The following CDH13 variants were observed in gnomAD, a reference collection of about 807,000 sequenced individuals.
The protein encoded by CDH13 is cadherin 13.
A neutral mutation model predicts 63.8 loss-of-function variants in CDH13; 24 were observed. The observed-to-expected ratio is 0.38, with a 90% CI of 0.27 to 0.53. CDH13 has a LOEUF of 0.53. CDH13 is among the 20% of genes least tolerant of loss of function. The probability of loss-of-function intolerance (pLI) is 0.85; values close to 1 mark genes in which losing one functional copy is unlikely to be tolerated. For missense variants in CDH13, 1,049 were observed against 903.1 expected, an observed-to-expected ratio of 1.16 and a Z score of -2.07; for synonymous variants, 503 against 355.3, an observed-to-expected ratio of 1.42 and a Z score of -4.67.
chr16:83,249,232 C>T (rs1009174123), intron 5 of CDH13, among the ~76,000 whole-genome samples: 1 of 152,242 alleles, frequency 6.6e-6, no homozygotes, highest in African/African-American at 2.4e-5. Context: ...ATCGTACCCT[C>T]TAACCCAGTG....
At chr16:83,241,485 A>G (rs1364444367) in intron 5 of CDH13, among the ~76,000 whole-genome samples, 1 of 152,152 alleles carries the variant, frequency 6.6e-6, no homozygotes, top group Admixed American at 6.5e-5. Context: ...ATGTCTTTTC[A>G]ATACTTACTC....
At chr16:83,088,164 A>C (rs9940768) in intron 3 of CDH13, among the ~76,000 whole-genome samples, 1,837 of 152,338 alleles carry the variant, frequency 0.012, 39 homozygotes, top group African/African-American at 0.041. Context: ...GCTCACGACA[A>C]CAAAAGCCTT....
chr16:83,009,733 A>G (rs1416324197), intron 2 of CDH13, among the ~76,000 whole-genome samples: 1 of 152,234 alleles, frequency 6.6e-6, no homozygotes, highest in Admixed American at 6.5e-5. Context: ...TAGCTGTACA[A>G]GCATTTAGGA....
At chr16:82,631,609 C>T (rs912204003) in intron 1 of CDH13, among the ~76,000 whole-genome samples, 1 of 152,228 alleles carries the variant, frequency 6.6e-6, no homozygotes, top group Non-Finnish European at 1.5e-5. Context: ...GCTTCTTCTG[C>T]AGCCACCTGG....
At chr16:83,266,877 C>G (rs1220991727) in intron 5 of CDH13, among the ~76,000 whole-genome samples, 2 of 152,178 alleles carry the variant, frequency 1.3e-5, no homozygotes, top group African/African-American at 2.4e-5. Context: ...GTCGGGATGT[C>G]TTGTCCTAAC....
chr16:83,573,807 T>C (rs1904862235), intron 7 of CDH13, among the ~76,000 whole-genome samples: 1 of 152,212 alleles, frequency 6.6e-6, no homozygotes, highest in Non-Finnish European at 1.5e-5. Flanking sequence ...GTCAAATCAC[T>C]ACACTCATTT....
chr16:83,763,478 A>G (rs1020394531), intron 11 of CDH13, among the ~76,000 whole-genome samples: 1 of 152,130 alleles, frequency 6.6e-6, no homozygotes, highest in African/African-American at 2.4e-5. Context: ...ATAGCCCCCA[A>G]ACTGAGGGTG....
At chr16:82,942,442 T>C (rs560247998) in intron 2 of CDH13, among the ~76,000 whole-genome samples, 1 of 152,346 alleles carries the variant, frequency 6.6e-6, no homozygotes, top group South Asian at 2.1e-4. Flanking sequence ...TATCCTGTTA[T>C]AAGTGCTCTG....
chr16:83,046,299 G>A (rs1373336232), intron 3 of CDH13, among the ~76,000 whole-genome samples: 1 of 152,134 alleles, frequency 6.6e-6, no homozygotes, highest in East Asian at 1.9e-4. Flanking sequence ...TAGGTAGGAA[G>A]TAGCAACCAT....
chr16:83,620,441 G>A (rs1341621417), intron 8 of CDH13, among the ~76,000 whole-genome samples: 1 of 148,522 alleles, frequency 6.7e-6, no homozygotes, highest in Admixed American at 6.7e-5. Context: ...AAGACTCAGA[G>A]CCCCCATGCT....
intron 7 of CDH13, among the ~76,000 whole-genome samples, chr16:83,574,031 G>T (rs577018197): frequency 2.1e-4 from 32 of 152,212 alleles, no homozygotes; most frequent in Non-Finnish European, 3.4e-4. Context: ...CCAAGCCACA[G>T]TTTTCCCGAG....
At chr16:83,521,527 A>T (rs950020800) in intron 7 of CDH13, among the ~76,000 whole-genome samples, 4 of 152,228 alleles carry the variant, frequency 2.6e-5, no homozygotes, top group African/African-American at 9.6e-5. Context: ...AGCTTATCCC[A>T]GGGTATGCTA....
chr16:83,011,019 C>A (rs1322832767), intron 2 of CDH13, among the ~76,000 whole-genome samples: 1 of 152,158 alleles, frequency 6.6e-6, no homozygotes, highest in Non-Finnish European at 1.5e-5. Flanking sequence ...TTTTAAATGG[C>A]TTACTCACTG....
At chr16:83,347,912 C>G (rs1048413292) in intron 6 of CDH13, among the ~76,000 whole-genome samples, 3 of 152,190 alleles carry the variant, frequency 2.0e-5, no homozygotes, top group South Asian at 2.1e-4. Flanking sequence ...CAAGAACCAG[C>G]TGGGTGGAGT....
chr16:83,524,445 C>CTTTTTTTT (rs150233410), intron 7 of CDH13, among the ~76,000 whole-genome samples: 3 of 59,278 alleles, frequency 5.1e-5, no homozygotes, highest in African/African-American at 1.4e-4. Flanking sequence ...TTTCTTTTTT[C>CTTTTTTTT]TTTTTTTTTT....
intron 1 of CDH13, among the ~76,000 whole-genome samples, chr16:82,733,810 A>T (rs2151040514): frequency 6.6e-6 from 1 of 152,336 alleles, no homozygotes; most frequent in South Asian, 2.1e-4. Context: ...CAAAACAAAA[A>T]CTGGATAAAA....
chr16:83,503,591 G>A (rs2074332446), intron 7 of CDH13, among the ~76,000 whole-genome samples: 1 of 152,162 alleles, frequency 6.6e-6, no homozygotes, highest in African/African-American at 2.4e-5. Flanking sequence ...GGAAGGGGCA[G>A]GGAGGCTCCT....
intron 5 of CDH13, among the ~76,000 whole-genome samples, chr16:83,275,547 A>G (rs967738350): frequency 1.9e-4 from 27 of 144,750 alleles, no homozygotes; most frequent in Admixed American, 1.5e-3. Flanking sequence ...ACTGAGAGAG[A>G]TGGAGAAGAT....
At chr16:82,868,673 C>T (rs886528804) in intron 2 of CDH13, among the ~76,000 whole-genome samples, 2 of 152,232 alleles carry the variant, frequency 1.3e-5, no homozygotes, top group Non-Finnish European at 2.9e-5. Context: ...AGAGGTATCA[C>T]ACTGTCAGCC....
Sources: allele counts gnomAD v4.1 joint callset (sites outside exome capture counted in the v4.1 genomes callset), GRCh38; gene constraint gnomAD v4.1.1; transcripts MANE v1.5; gene names NCBI Gene and HGNC (gene_info 2026-07-23, HGNC 2026-07-21).